Variants in SLC35F4 observed in about 807,000 individuals in gnomAD.
The protein encoded by SLC35F4 is solute carrier family 35 member F4.
Under a neutral mutation model 44.2 loss-of-function variants are expected in SLC35F4, and 24 were observed. The ratio of observed to expected loss-of-function variants is 0.54; its 90% CI spans 0.39 to 0.76. The LOEUF is 0.76. SLC35F4 is among the 30% of genes least tolerant of loss of function. The pLI, the probability that SLC35F4 is intolerant of heterozygous loss-of-function variation, is 0.00. For missense variants in SLC35F4, 562 were observed against 586.1 expected (o/e 0.96, Z 0.42); for synonymous variants, 238 against 223.6 (o/e 1.06, Z -0.57).
intron 1 of SLC35F4, among the ~76,000 whole-genome samples, chr14:57,824,744 T>A (rs1883542653): frequency 6.6e-6 from 1 of 152,122 alleles, no homozygotes; most frequent in African/African-American, 2.4e-5. Flanking sequence ...GAGTACAAGG[T>A]CAATATGTCT....
intron 6 of SLC35F4, among the ~76,000 whole-genome samples, chr14:57,568,504 C>T (rs1387553321): frequency 6.6e-6 from 1 of 152,146 alleles, no homozygotes; most frequent in East Asian, 1.9e-4. Flanking sequence ...TTCTACTCAG[C>T]TTAGCAGAGG....
chr14:57,920,700 G>A (rs767499286), intron 1 of SLC35F4, among the ~76,000 whole-genome samples: 1 of 152,190 alleles, frequency 6.6e-6, no homozygotes, highest in Admixed American at 6.5e-5. Flanking sequence ...TTGGCTCTCA[G>A]GTCAAGAAAA....
Position 57,589,327 on chromosome 14 carries a change from G to A in SLC35F4, c.476C>T (p.Pro159Leu), listed in dbSNP as rs750560714. ...VKITYKNFYCPFFMTWFSTNW... is the reference protein window; with the variant it reads ...VKITYKNFYCLFFMTWFSTNW... ...TGTTGAAAACCAAGTCATGAAAAAT[G>A]GGCAATAGAAGTTCTTATAAGTAAT... Residue 159 changes from proline to leucine, a missense_variant, in exon 3 of 8, where the codon CCA becomes CTA. Pro to Leu is a moderately conservative substitution (Grantham distance 98). Coordinates refer to ENST00000556826, the MANE Select transcript of SLC35F4 (RefSeq NM_001306087.2). 1.9e-6 allele frequency: 3 copies of A among 1,613,842 alleles called. No homozygotes were observed. The highest frequency in any genetic ancestry group is 1.7e-6 in the Non-Finnish European group (2 of 1,179,874).
intron 1 of SLC35F4, among the ~76,000 whole-genome samples, chr14:57,844,380 G>A (rs375376762): frequency 6.6e-5 from 10 of 152,216 alleles, no homozygotes; most frequent in African/African-American, 2.4e-4. Flanking sequence ...TGGGGTCGAT[G>A]TTGAAGCAAT....
In SLC35F4 at chr14:57,865,884, G is replaced by A. The variant is rs1239698246; in HGVS notation, c.-59C>T. On this transcript the variant is annotated 5_prime_UTR_variant, in exon 1 of 8. Coordinates refer to ENST00000556826, the MANE Select transcript of SLC35F4 (RefSeq NM_001306087.2). ...GGGCGGAGAGCGCAGCGCGGGGCCC[G>A]GGAGCTGGTGCAGGTGCCGGAGCCG... The A allele has an allele frequency of 1.6e-6, 2 of 1,277,670 alleles. No individual in the cohort carries two copies. The highest frequency in any genetic ancestry group is 2.1e-6 in the Non-Finnish European group (2 of 950,614). The allele number at this position is 1,277,670 out of a possible 1,614,324, so 79.1% of individuals were successfully genotyped here. A position where few individuals can be genotyped will look rare whatever the true frequency, so the allele number is the denominator to read the frequency against.
In SLC35F4 at chr14:57,858,162, C is replaced by A. The variant is rs796974257; in HGVS notation, c.103+7561G>T. Among the ~76,000 whole-genome samples the A allele has an allele frequency of 2.6e-5, 4 of 151,976 alleles. No homozygotes were observed. The South Asian group carries it at 8.3e-4, about 31-fold the overall frequency. On this transcript the variant is annotated intron_variant, in intron 1 of 7. Transcript: ENST00000556826. Reference sequence around the variant, plus strand: ...CTAGAACTAGAAATACCATTTGACCCAGCCATCCCATTACTGGGTATATAC... The same window carrying A: ...CTAGAACTAGAAATACCATTTGACCAAGCCATCCCATTACTGGGTATATAC...
At chr14:57,685,899 G>C (rs2075052211) in intron 1 of SLC35F4, among the ~76,000 whole-genome samples, 1 of 152,100 alleles carries the variant, frequency 6.6e-6, no homozygotes, top group Non-Finnish European at 1.5e-5. Flanking sequence ...CTGGTCTTTG[G>C]GCTTGGAAAC....
rs72624724 is a variant in SLC35F4 at position 57,831,609 on chromosome 14, T to C, written c.103+34114A>G. On this transcript the variant is annotated intron_variant, in intron 1 of 7. Coordinates refer to ENST00000556826, the MANE Select transcript of SLC35F4 (RefSeq NM_001306087.2). Reference sequence around the variant, plus strand: ...GCCACAGTAAATAATCTATCCTGTGTTATTGTTTTCTGTGGAATTCTCAAG... The same window carrying C: ...GCCACAGTAAATAATCTATCCTGTGCTATTGTTTTCTGTGGAATTCTCAAG... Among the ~76,000 whole-genome samples, 2,176 of 152,238 alleles carry C rather than the reference T, an allele frequency of 0.014. 284 individuals are homozygous for C. In the East Asian group the frequency reaches 0.33, roughly 23 times the overall value.
chr14:57,685,830 C>T (rs942850469), intron 1 of SLC35F4, among the ~76,000 whole-genome samples: 64 of 152,128 alleles, frequency 4.2e-4, no homozygotes, highest in African/African-American at 1.5e-3. Context: ...TATGAGCAGT[C>T]GAGGGACTCT....
At chr14:57,590,249 C>T (rs1290691701) in intron 2 of SLC35F4, among the ~76,000 whole-genome samples, 1 of 146,086 alleles carries the variant, frequency 6.8e-6, no homozygotes, top group Admixed American at 6.8e-5. Context: ...AAAAATTAGC[C>T]GTGGGAGGTG....
chr14:57,759,238 T>C lies in SLC35F4; in HGVS notation c.103+106485A>G, dbSNP rs116770983. Reference sequence around the variant, plus strand: ...ATATCCTTATTTCAGTTATTTTGGTTATATACCCAGAAGTGTAACTGCTGG... The same window carrying C: ...ATATCCTTATTTCAGTTATTTTGGTCATATACCCAGAAGTGTAACTGCTGG... On this transcript the variant is annotated intron_variant, in intron 1 of 7. Transcript: ENST00000556826. 6.6e-3 allele frequency among the ~76,000 whole-genome samples: 1,012 copies of C among 152,310 alleles called. 11 individuals carry two copies. The highest frequency in any genetic ancestry group is 0.023 in the African/African-American group (954 of 41,554).
At chr14:57,942,554 G>A (rs1466187714) in intron 1 of SLC35F4, among the ~76,000 whole-genome samples, 1 of 152,128 alleles carries the variant, frequency 6.6e-6, no homozygotes, top group Non-Finnish European at 1.5e-5. Context: ...ATTCTGTGGA[G>A]TTTTTGTCTT....
intron 1 of SLC35F4, among the ~76,000 whole-genome samples, chr14:57,848,852 T>C (rs983175722): frequency 7.9e-5 from 12 of 152,182 alleles, no homozygotes; most frequent in African/African-American, 2.9e-4. Context: ...CTACTATACA[T>C]GCTGAGGATC....
intron 1 of SLC35F4, among the ~76,000 whole-genome samples, chr14:57,854,996 A>C (rs1265613253): frequency 6.6e-6 from 1 of 152,236 alleles, no homozygotes; most frequent in East Asian, 1.9e-4. Context: ...CCAAAAAATA[A>C]ATGGTAAGCC....
At chr14:57,775,418 G>A (rs2077464875) in intron 1 of SLC35F4, among the ~76,000 whole-genome samples, 1 of 152,228 alleles carries the variant, frequency 6.6e-6, no homozygotes, top group African/African-American at 2.4e-5. Context: ...AGTGGTCCAG[G>A]AGCAAGCACC....
At chr14:57,696,352 C>G (rs2075383639) in intron 1 of SLC35F4, among the ~76,000 whole-genome samples, 1 of 152,170 alleles carries the variant, frequency 6.6e-6, no homozygotes, top group African/African-American at 2.4e-5. Context: ...AAACACAAAT[C>G]TAAACCACAA....
chr14:57,716,278 G>A (rs1412457008), intron 1 of SLC35F4, among the ~76,000 whole-genome samples: 1 of 143,228 alleles, frequency 7.0e-6, no homozygotes, highest in Non-Finnish European at 1.5e-5. Flanking sequence ...AGGGTACCAG[G>A]TAATTTCTCA....
chr14:57,646,163 T>G (rs1463106579), intron 1 of SLC35F4, among the ~76,000 whole-genome samples: 1 of 152,172 alleles, frequency 6.6e-6, no homozygotes, highest in Non-Finnish European at 1.5e-5. Context: ...GGATTCCCTC[T>G]TTTTCTATTG....
intron 1 of SLC35F4, among the ~76,000 whole-genome samples, chr14:57,766,561 C>T (rs974213586): frequency 6.6e-6 from 1 of 152,176 alleles, no homozygotes; most frequent in African/African-American, 2.4e-5. Context: ...ACCCTAGAAC[C>T]CTTAAAGTAA....
Sources: gnomAD v4.1 joint callset for allele counts (sites outside exome capture counted in the v4.1 genomes callset) on GRCh38, gnomAD v4.1.1 for gene constraint, MANE v1.5 for transcripts, NCBI Gene and HGNC (gene_info 2026-07-23, HGNC 2026-07-21) for gene names.